The following RABGAP1L variants were observed in gnomAD, a reference collection of about 807,000 sequenced individuals.
RABGAP1L encodes RAB GTPase activating protein 1 like.
Under a neutral mutation model 137.7 loss-of-function variants are expected in RABGAP1L, and 63 were observed. The ratio of observed to expected loss-of-function variants is 0.46; its 90% confidence interval spans 0.37 to 0.56. The LOEUF (loss-of-function observed/expected upper bound fraction) is 0.56. Among genes scored for constraint, RABGAP1L ranks in the 20% least tolerant of loss-of-function variants. The pLI, the probability that RABGAP1L is intolerant of heterozygous loss-of-function variation, is 0.00. For missense variants in RABGAP1L, 1,095 were observed against 1,244.0 expected (o/e 0.88, Z 1.80); for synonymous variants, 431 against 433.7 (o/e 0.99, Z 0.08).
chr1:174,163,200 CCTA>C lies in RABGAP1L; in HGVS notation c.-34+3544_-34+3546del, dbSNP rs943156547. 1.9e-4 allele frequency among the ~76,000 whole-genome samples: 29 copies of C among 152,090 alleles called. 2 individuals are homozygous for C. On this transcript the variant is annotated intron_variant, in intron 1 of 25. Coordinates refer to ENST00000681986, the MANE Select transcript of RABGAP1L (RefSeq NM_001366446.1). ...TTATAGAGAAAGACATTGTTTGACT[CCTA>C]GACTTTCAGAACGGGAAATAATTTT...
At chr1:174,429,984 A>G (rs1558226684) in intron 13 of RABGAP1L, among the ~76,000 whole-genome samples, 1 of 152,192 alleles carries the variant, frequency 6.6e-6, no homozygotes, top group Non-Finnish European at 1.5e-5. Context: ...ATATGAAACT[A>G]AAGATGCTTC....
intron 14 of RABGAP1L, among the ~76,000 whole-genome samples, chr1:174,663,555 C>A (rs1316181529): frequency 6.6e-6 from 1 of 152,120 alleles, no homozygotes; most frequent in East Asian, 1.9e-4. Context: ...GAACGTATTC[C>A]TGTCGTTAAG....
chr1:174,206,373 A>G (rs1668505306), intron 1 of RABGAP1L, among the ~76,000 whole-genome samples: 1 of 152,200 alleles, frequency 6.6e-6, no homozygotes, highest in Non-Finnish European at 1.5e-5. Context: ...TAGACTGTTT[A>G]GTAAACAAAA....
rs924703239 is a variant in RABGAP1L, at chr1:174,989,944, G to T, written c.3099G>T (p.Thr1033=). 6.5e-7 allele frequency: 1 copy of T among 1,549,572 alleles called. No individual in the cohort carries two copies. The highest frequency in any genetic ancestry group is 1.4e-5 in the African/African-American group (1 of 72,968). Residue 1033 remains threonine (T), a synonymous_variant, in exon 26 of 26, where the codon ACG becomes ACT. Coordinates refer to ENST00000681986, the MANE Select transcript of RABGAP1L (RefSeq NM_001366446.1). ...SKTLNSIKTA[T]GTQPLQPAPV... ...CCCTGAACTCTATCAAAACGGCCAC[G>T]GGCACCCAGCCATTGCAGCCAGCAC...
chr1:174,635,617 A>T (rs769943655), intron 13 of RABGAP1L, among the ~76,000 whole-genome samples: 13 of 150,756 alleles, frequency 8.6e-5, no homozygotes, highest in Non-Finnish European at 1.8e-4. Flanking sequence ...GTATCCTTTT[A>T]CTGAAGTTAT....
chr1:174,162,777 GTTTTTT>G (rs67811794), intron 1 of RABGAP1L, among the ~76,000 whole-genome samples: 7 of 51,554 alleles, frequency 1.4e-4, no homozygotes, highest in East Asian at 2.2e-3. Context: ...TTCTCTTTCT[GTTTTTT>G]TTTTTTTTTT....
chr1:174,292,671 A>G (rs1173205695), intron 10 of RABGAP1L, among the ~76,000 whole-genome samples: 2 of 152,026 alleles, frequency 1.3e-5, no homozygotes, highest in East Asian at 1.9e-4. Flanking sequence ...GACTCAGCAT[A>G]TGGTCTACTG....
At chr1:174,904,070 G>T (rs534616109) in intron 19 of RABGAP1L, among the ~76,000 whole-genome samples, 2 of 151,394 alleles carry the variant, frequency 1.3e-5, no homozygotes, top group African/African-American at 4.9e-5. Context: ...AATATATAGC[G>T]CCAAGATTTT....
At position 174,689,712 on chromosome 1, in the gene RABGAP1L, C is replaced by T. The variant is rs1487113909; in HGVS notation, c.1899+6116C>T. 2.6e-5 allele frequency among the ~76,000 whole-genome samples: 4 copies of T among 152,136 alleles called. No homozygotes were observed. In the East Asian group the frequency reaches 7.7e-4, roughly 29 times the overall value. ...CACACAACAACACCACCAACAACTC[C>T]CTCTGTTTTTCTTCCTGTTGGACTT... On this transcript the variant is annotated intron_variant, in intron 15 of 25. Transcript: ENST00000681986.
chr1:174,793,814 G>T (rs1688042847), intron 18 of RABGAP1L, among the ~76,000 whole-genome samples: 1 of 151,976 alleles, frequency 6.6e-6, no homozygotes, highest in South Asian at 2.1e-4. Context: ...TCCTGCTTCA[G>T]CCTCTCCAGT....
chr1:174,539,762 T>C (rs1373752897), intron 13 of RABGAP1L, among the ~76,000 whole-genome samples: 2 of 152,268 alleles, frequency 1.3e-5, no homozygotes, highest in Non-Finnish European at 1.5e-5. Flanking sequence ...TACGTATGCA[T>C]GTGTCTTTAT....
intron 19 of RABGAP1L, among the ~76,000 whole-genome samples, chr1:174,860,179 TA>T (rs1650051905): frequency 6.6e-6 from 1 of 152,170 alleles, no homozygotes; most frequent in African/African-American, 2.4e-5. Context: ...GTGTGGACTT[TA>T]CGAAAATCAG....
At chr1:174,845,027 G>C (rs1693901562) in intron 19 of RABGAP1L, among the ~76,000 whole-genome samples, 1 of 147,918 alleles carries the variant, frequency 6.8e-6, no homozygotes, top group Non-Finnish European at 1.5e-5. Flanking sequence ...CTCTCTGTTT[G>C]TCTGTTATTG....
intron 11 of RABGAP1L, among the ~76,000 whole-genome samples, chr1:174,340,292 C>T (rs2148889906): frequency 6.6e-6 from 1 of 152,202 alleles, no homozygotes; most frequent in Middle Eastern, 3.4e-3. Flanking sequence ...GGAATGTTAT[C>T]CTTAGTTCTT....
intron 18 of RABGAP1L, among the ~76,000 whole-genome samples, chr1:174,754,939 G>A (rs1450314728): frequency 6.6e-6 from 1 of 152,170 alleles, no homozygotes; most frequent in Non-Finnish European, 1.5e-5. Flanking sequence ...TCTGTGTTAA[G>A]TACTAACAGA....
In RABGAP1L at chr1:174,781,106, A is replaced by G. The variant is rs186891002; in HGVS notation, c.2211+28752A>G. ...ACCCAGTAATGGGATGGCTGGGTCA[A>G]ATGGTATTTCTAGTTCTAGATCCCT... On this transcript the variant is annotated intron_variant, in intron 18 of 25. Transcript: ENST00000681986. Among the ~76,000 whole-genome samples the G allele has an allele frequency of 8.2e-3, 1,242 of 152,222 alleles. 6 individuals are homozygous for G. The highest frequency in any genetic ancestry group is 0.034 in the Middle Eastern group (10 of 294).
At chr1:174,601,602 A>G (rs1670419556) in intron 13 of RABGAP1L, among the ~76,000 whole-genome samples, 1 of 152,162 alleles carries the variant, frequency 6.6e-6, no homozygotes, top group Non-Finnish European at 1.5e-5. Context: ...CTATGTAACA[A>G]ACCTGCACAT....
chr1:174,719,054 G>T (rs918676000), intron 17 of RABGAP1L, among the ~76,000 whole-genome samples: 1 of 151,896 alleles, frequency 6.6e-6, no homozygotes, highest in Admixed American at 6.6e-5. Flanking sequence ...GGTCAGGCTG[G>T]TCTCAAACTT....
intron 13 of RABGAP1L, among the ~76,000 whole-genome samples, chr1:174,598,596 G>A (rs1670165731): frequency 6.6e-6 from 1 of 152,070 alleles, no homozygotes; most frequent in Non-Finnish European, 1.5e-5. Context: ...CAGTGTTGAT[G>A]CATATAAATT....
Sources: gnomAD v4.1 joint callset for allele counts (sites outside exome capture counted in the v4.1 genomes callset) on GRCh38, gnomAD v4.1.1 for gene constraint, MANE v1.5 for transcripts, NCBI Gene and HGNC (gene_info 2026-07-23, HGNC 2026-07-21) for gene names.